The following SPAG9 variants were observed in gnomAD, a reference collection of about 807,000 sequenced individuals.
SPAG9 encodes the protein sperm associated antigen 9.
SPAG9 carries 35 observed loss-of-function variants against 166.5 expected under a neutral mutation model. That is an observed-to-expected ratio of 0.21 (90% confidence interval 0.16 to 0.28). SPAG9 has a LOEUF of 0.28. Ranked by LOEUF, SPAG9 falls within the 10% of genes least tolerant of loss-of-function variation. The pLI, the probability that SPAG9 is intolerant of heterozygous loss-of-function variation, is 1.00. For synonymous variants in SPAG9, 534 were observed against 565.5 expected (o/e 0.94, Z 0.79); for missense variants, 1,235 against 1,603.3 (o/e 0.77, Z 3.92).
chr17:51,071,142 A>T (rs2047810886), intron 2 of SPAG9, among the ~76,000 whole-genome samples: 1 of 152,144 alleles, frequency 6.6e-6, no homozygotes, highest in African/African-American at 2.4e-5. Context: ...AACCATACCT[A>T]GGCAGAATGC....
chr17:51,103,919 A>C (rs2048872266), intron 1 of SPAG9, among the ~76,000 whole-genome samples: 1 of 152,224 alleles, frequency 6.6e-6, no homozygotes, highest in South Asian at 2.1e-4. Flanking sequence ...GTGAATGACA[A>C]ACTTCCAGGT....
At position 50,987,222 on chromosome 17, in the gene SPAG9, T is replaced by A. The variant is rs151042599; in HGVS notation, c.2829A>T (p.Ala943=). ...PVYQSSNDSD[A]YKDQISVLPN... ...GCAGTACTGATATTTGATCTTTATA[T>A]GCATCTGAGTCATTGCTGGAAAGGG... The change falls in exon 22 of 30, where the codon GCA becomes GCT. Residue 943 remains alanine (A), a synonymous_variant. Transcript: ENST00000262013. 1 of 1,608,322 alleles carries A rather than the reference T, an allele frequency of 6.2e-7. No homozygotes were observed. The highest frequency in any genetic ancestry group is 1.7e-4 in the Middle Eastern group (1 of 6,044).
chr17:51,091,468 T>A (rs1422133461), intron 1 of SPAG9, among the ~76,000 whole-genome samples: 2 of 151,532 alleles, frequency 1.3e-5, no homozygotes, highest in Admixed American at 6.6e-5. Flanking sequence ...GCGCAGCAGT[T>A]TTTTTTGTTT....
At chr17:50,974,603 A>T (rs1290986842) in intron 28 of SPAG9, among the ~76,000 whole-genome samples, 168 bp downstream of exon 28, 1 of 152,238 alleles carries the variant, frequency 6.6e-6, no homozygotes, top group African/African-American at 2.4e-5. Flanking sequence ...ACTTCATTCA[A>T]GTATCCCTAT....
chr17:51,073,245 G>A (rs960739028), intron 2 of SPAG9, among the ~76,000 whole-genome samples: 5 of 151,770 alleles, frequency 3.3e-5, no homozygotes, highest in Admixed American at 1.3e-4. Context: ...GGAGAATGGC[G>A]TGAACCCAGG....
At chr17:51,095,199 G>A (rs552165121) in intron 1 of SPAG9, among the ~76,000 whole-genome samples, 2 of 151,440 alleles carry the variant, frequency 1.3e-5, no homozygotes, top group South Asian at 4.2e-4. Flanking sequence ...GGGAGGCTGA[G>A]GCAGGAGAAT....
intron 1 of SPAG9, among the ~76,000 whole-genome samples, chr17:51,116,605 A>G (rs915847144): frequency 6.6e-6 from 1 of 152,000 alleles, no homozygotes; most frequent in African/African-American, 2.4e-5. Flanking sequence ...TGTCTCTGTA[A>G]AAAATTTAAT....
At chr17:51,044,478 G>A (rs1235968709) in intron 4 of SPAG9, among the ~76,000 whole-genome samples, 1 of 152,084 alleles carries the variant, frequency 6.6e-6, no homozygotes, top group Non-Finnish European at 1.5e-5. Context: ...GTTAGCTTAT[G>A]TATATAAATA....
chr17:50,989,648 T>C (rs370398051), intron 21 of SPAG9, 29 bp downstream of exon 21: 13 of 1,585,876 alleles, frequency 8.2e-6, no homozygotes, highest in East Asian at 6.7e-5. Context: ...CTTCACCCAG[T>C]TGCCTAAGTT....
At chr17:51,051,121 T>C (rs988268556) in intron 3 of SPAG9, among the ~76,000 whole-genome samples, 2 of 152,076 alleles carry the variant, frequency 1.3e-5, no homozygotes, top group African/African-American at 4.8e-5. Context: ...GTGTGTTTTT[T>C]TGTTTTGTGA....
At chr17:51,115,072 G>A (rs1468032043) in intron 1 of SPAG9, among the ~76,000 whole-genome samples, 1 of 152,140 alleles carries the variant, frequency 6.6e-6, no homozygotes, top group Non-Finnish European at 1.5e-5. Context: ...AAGACAAGAA[G>A]TGTCAAAAGT....
chr17:51,120,512 C>G lies in SPAG9; in HGVS notation c.145G>C (p.Glu49Gln). ...IGRYDEEVVK[E>Q]LMPLVVAVLE... ...ACAGCCACCACCAGCGGCATCAGCT[C>G]TTTGACCACCTCCTCGTCATAGCGC... Residue 49 changes from glutamate (E) to glutamine (Q), a missense_variant, in exon 1 of 30, where the codon GAG (glutamate) becomes CAG (glutamine). Transcript: ENST00000262013. The surrounding 1 kb of genome is among the most constrained non-coding windows in gnomAD (Gnocchi z 4.7). 1 of 1,614,038 alleles carries G rather than the reference C, an allele frequency of 6.2e-7. No homozygotes were observed. Among genetic ancestry groups the G allele is most frequent in the Non-Finnish European group, 8.5e-7 (1 of 1,179,908 alleles).
intron 1 of SPAG9, among the ~76,000 whole-genome samples, chr17:51,095,958 G>GAT (rs113132091): frequency 3.1e-4 from 31 of 99,246 alleles, no homozygotes; most frequent in East Asian, 1.0e-3. Flanking sequence ...TATATATAGT[G>GAT]ATATATATAT....
At chr17:50,980,021 C>A (rs541908027) in intron 25 of SPAG9, 104 bp from the exon 26 acceptor site, 38 of 948,096 alleles carry the variant, frequency 4.0e-5, no homozygotes, top group Non-Finnish European at 5.9e-5. Context: ...AAGACAAGCC[C>A]AAATATTATA....
chr17:51,118,121 G>A (rs574472986), intron 1 of SPAG9, among the ~76,000 whole-genome samples: 1 of 150,516 alleles, frequency 6.6e-6, no homozygotes, highest in East Asian at 1.9e-4. Context: ...GCGACAGAGA[G>A]AGACTCTGTC....
At chr17:51,089,620 T>TTTTATA (rs1555658028) in intron 1 of SPAG9, among the ~76,000 whole-genome samples, 3 of 40,478 alleles carry the variant, frequency 7.4e-5, no homozygotes, top group South Asian at 9.8e-4. Context: ...ACACTTTATT[T>TTTTATA]TATATATATA....
intron 8 of SPAG9, 121 bp downstream of exon 8, chr17:51,020,038 T>C: frequency 1.6e-6 from 1 of 638,684 alleles, no homozygotes; most frequent in Non-Finnish European, 2.8e-6. Flanking sequence ...AATTAGAATA[T>C]AATACTAACA....
At chr17:51,022,629 C>T (rs1271147391) in intron 6 of SPAG9, among the ~76,000 whole-genome samples, 1 of 142,020 alleles carries the variant, frequency 7.0e-6, no homozygotes. Context: ...CAGCCACCAC[C>T]ACTAATAATA....
chr17:51,052,062 TTGAC>T (rs2047198448), intron 3 of SPAG9, among the ~76,000 whole-genome samples: 1 of 152,194 alleles, frequency 6.6e-6, no homozygotes, highest in African/African-American at 2.4e-5. Flanking sequence ...TTAAGAATAG[TTGAC>T]TATTTAAATT....
Sources: gnomAD v4.1 joint callset for allele counts (sites outside exome capture counted in the v4.1 genomes callset) on GRCh38, gnomAD v4.1.1 for gene constraint, Gnocchi (gnomAD v3.1) non-coding constraint, MANE v1.5 for transcripts, NCBI Gene and HGNC (gene_info 2026-07-23, HGNC 2026-07-21) for gene names.